The following PIN4 variants were observed in gnomAD, a reference collection of about 807,000 sequenced individuals.
The protein encoded by PIN4 is peptidylprolyl cis/trans isomerase, NIMA-interacting 4.
A neutral mutation model predicts 8.3 loss-of-function variants in PIN4; 3 were observed. The observed-to-expected ratio is 0.36, with a 90% CI of 0.16 to 0.93. PIN4 has a LOEUF of 0.93. Among genes scored for constraint, PIN4 ranks in the 40% least tolerant of loss-of-function variants. The probability of loss-of-function intolerance (pLI) is 0.44; values close to 1 mark genes in which losing one functional copy is unlikely to be tolerated. For missense variants in PIN4, 75 were observed against 100.6 expected (o/e 0.75, Z 1.09); for synonymous variants, 18 against 32.5 (o/e 0.55, Z 1.52).
chrX:72,231,501 G>C (rs940185945), intron 3 of PIN4, among the ~76,000 whole-genome samples: 1 of 111,045 alleles, frequency 9.0e-6, no homozygotes, highest in Admixed American at 9.6e-5. Flanking sequence ...TGCACATCAT[G>C]GTGACTATTA....
rs201100999 is a variant in PIN4 at position 72,238,949 on chromosome X, T to C, written c.313-23758T>C. 26 of 922,492 alleles carry C rather than the reference T, an allele frequency of 2.8e-5. No individual in the cohort carries two copies. In the African/African-American group the frequency reaches 4.3e-4, roughly 15 times the overall value. The allele number at this position is 922,492 out of a possible 1,213,427, so 76.0% of individuals were successfully genotyped here. A position where few individuals can be genotyped will look rare whatever the true frequency, so the allele number is the denominator to read the frequency against. ...GGGTTCCAGTTACCCCGGCGGGAGTTTGGAGCTTGGAGCTTGGAGCTTGGA... is the reference window on the plus strand; with the variant it reads ...GGGTTCCAGTTACCCCGGCGGGAGTCTGGAGCTTGGAGCTTGGAGCTTGGA... On this transcript the variant is annotated intron_variant, in intron 3 of 3. Coordinates refer to the PIN4 transcript ENST00000423432.
At position 72,186,520 on chromosome X, in the gene PIN4, G is replaced by A. The variant is rs1032364083; in HGVS notation, c.103G>A (p.Gly35Ser). The A allele has an allele frequency of 4.1e-5, 49 of 1,185,841 alleles. No homozygotes were observed. The highest frequency in any genetic ancestry group is 5.4e-5 in the Non-Finnish European group (47 of 874,500). The change falls in exon 2 of 4, where the codon GGC (glycine) becomes AGC (serine). Residue 35 changes from glycine to serine, a missense_variant. Transcript: ENST00000373669. ...GAAGGCTCAAGGTCCCAAAGGTGGT[G>A]GCAATGCAGTAAAGGTGAGTTACTG... is the stretch of plus-strand genomic sequence containing the variant. ...DKKAQGPKGG[G>S]NAVKVRHILC... is the part of the protein sequence containing the mutation.
At chrX:72,182,417 G>A (rs2042678200) in intron 1 of PIN4, among the ~76,000 whole-genome samples, 1 of 110,304 alleles carries the variant, frequency 9.1e-6, no homozygotes, top group African/African-American at 3.3e-5. Flanking sequence ...GGTGGTGCGC[G>A]CCCGTAATCC....
At chrX:72,194,760 T>C (rs1185555719) in intron 2 of PIN4, among the ~76,000 whole-genome samples, 1 of 107,974 alleles carries the variant, frequency 9.3e-6, no homozygotes, top group Non-Finnish European at 1.9e-5. Flanking sequence ...TCCTAGGCCT[T>C]CATATTCACT....
intron 2 of PIN4, 26 bp downstream of exon 2, chrX:72,186,560 A>G (rs753620722): frequency 9.0e-6 from 9 of 1,005,523 alleles, no homozygotes; most frequent in Non-Finnish European, 9.8e-6. Flanking sequence ...CTTTTTTTCC[A>G]TGTTAAATAT....
chrX:72,238,778 G>T, intron 3 of PIN4: 1 of 1,065,174 alleles, frequency 9.4e-7, no homozygotes. Flanking sequence ...GGAGGATCCG[G>T]GGGCCACCCC....
intron 3 of PIN4, among the ~76,000 whole-genome samples, chrX:72,245,304 G>A (rs766923168): frequency 9.2e-6 from 1 of 109,178 alleles, no homozygotes; most frequent in East Asian, 2.9e-4. Flanking sequence ...TAGCAGCTAG[G>A]ACTACAGACA....
chrX:72,190,950 C>T (rs1204992848), intron 2 of PIN4, among the ~76,000 whole-genome samples: 1 of 97,630 alleles, frequency 1.0e-5, no homozygotes, highest in East Asian at 3.2e-4. Flanking sequence ...GAGACTCCAT[C>T]TCAAAAAAAA....
chrX:72,236,373 G>A (rs916013211), intron 3 of PIN4, among the ~76,000 whole-genome samples: 20 of 111,019 alleles, frequency 1.8e-4, no homozygotes, highest in Non-Finnish European at 3.0e-4. Context: ...ATCTCAGCTC[G>A]CTGCAACCTC....
chrX:72,263,584 A>C (rs746675363), exon 4 of PIN4: 1 of 112,312 alleles, frequency 8.9e-6, no homozygotes, highest in East Asian at 2.8e-4. Flanking sequence ...AGGACAGCCC[A>C]AAGAATTTGA....
intron 3 of PIN4, among the ~76,000 whole-genome samples, chrX:72,218,993 C>T (rs1248685885): frequency 8.9e-6 from 1 of 112,837 alleles, no homozygotes; most frequent in Non-Finnish European, 1.9e-5. Flanking sequence ...CAGTGGCCCA[C>T]GCCTGTGATC....
Position 72,197,828 on chromosome X carries a change from A to G in PIN4, c.*302A>G, listed in dbSNP as rs1602431894. On this transcript the variant is annotated 3_prime_UTR_variant, in exon 4 of 4. Coordinates refer to ENST00000373669, the MANE Select transcript of PIN4 (RefSeq NM_006223.4). ...ATATCTGACTCTCAGTCTGTCCCAT[A>G]AATTAATTCAGAAACCATCTTCAGG... 6 of 783,301 alleles carry G rather than the reference A, an allele frequency of 7.7e-6. No individual in the cohort carries two copies. The highest frequency in any genetic ancestry group is 9.1e-6 in the Non-Finnish European group (6 of 656,257). 64.6% of individuals were successfully genotyped at this position (783,301 alleles called of 1,213,427 possible).
At chrX:72,244,832 G>T (rs1192838665) in intron 3 of PIN4, among the ~76,000 whole-genome samples, 1 of 109,002 alleles carries the variant, frequency 9.2e-6, no homozygotes, top group East Asian at 2.9e-4. Context: ...TGTAATGCCA[G>T]CACTTTGGGA....
At chrX:72,201,559 A>G (rs1047035812), downstream of PIN4, among the ~76,000 whole-genome samples, 3 of 111,331 alleles carry the variant, frequency 2.7e-5, no homozygotes, top group Non-Finnish European at 5.7e-5. Context: ...CAGTGAATCA[A>G]GATTGTGCCA....
chrX:72,200,682 G>A (rs2042786841), downstream of PIN4, among the ~76,000 whole-genome samples: 1 of 111,975 alleles, frequency 8.9e-6, no homozygotes, highest in African/African-American at 3.3e-5. Flanking sequence ...ATGAGGTACA[G>A]AATAGTGTAC....
chrX:72,208,206 G>A (rs138446302), intron 3 of PIN4: 2 of 1,209,856 alleles, frequency 1.7e-6, no homozygotes, highest in African/African-American at 3.5e-5. Context: ...TCCGATTGAG[G>A]TTTCTGGTCC....
intron 3 of PIN4, among the ~76,000 whole-genome samples, chrX:72,234,351 T>C (rs981656212): frequency 3.6e-5 from 4 of 111,788 alleles, no homozygotes; most frequent in African/African-American, 9.8e-5. Context: ...TCGAGGTAGA[T>C]GAAGATTGAG....
At chrX:72,190,501 T>C (rs960302676) in intron 2 of PIN4, among the ~76,000 whole-genome samples, 1 of 111,939 alleles carries the variant, frequency 8.9e-6, no homozygotes, top group Non-Finnish European at 1.9e-5. Context: ...AAGATTTCCT[T>C]GAAAACGTCT....
chrX:72,235,742 T>C (rs1041763005), intron 3 of PIN4, among the ~76,000 whole-genome samples: 39 of 111,495 alleles, frequency 3.5e-4, no homozygotes, highest in African/African-American at 9.5e-4. Flanking sequence ...CACCCAGATA[T>C]TCCAATTTCC....
Sources: gnomAD v4.1 joint callset for allele counts (sites outside exome capture counted in the v4.1 genomes callset) on GRCh38, gnomAD v4.1.1 for gene constraint, MANE v1.5 for transcripts, NCBI Gene and HGNC (gene_info 2026-07-23, HGNC 2026-07-21) for gene names.